Variants in NLRC5 observed in about 807,000 individuals in gnomAD.
NLRC5 encodes protein NLRC5.
NLRC5 carries 114 observed loss-of-function variants against 206.9 expected under a neutral mutation model. The observed-to-expected ratio is 0.55, with a 90% confidence interval of 0.47 to 0.64. The LOEUF (loss-of-function observed/expected upper bound fraction) is 0.64. Among genes scored for constraint, NLRC5 ranks in the 30% least tolerant of loss-of-function variants. The pLI, the probability that NLRC5 is intolerant of heterozygous loss-of-function variation, is 0.00. For synonymous variants in NLRC5, 952 were observed against 962.8 expected (o/e 0.99, Z 0.21); for missense variants, 2,008 against 2,305.5 (o/e 0.87, Z 2.64).
intron 5 of NLRC5, 139 bp from the exon 6 acceptor site, chr16:57,025,229 C>A: frequency 7.1e-7 from 1 of 1,407,496 alleles, no homozygotes; most frequent in Non-Finnish European, 9.3e-7. Context: ...CCCTATGGTG[C>A]TCTTGACACC....
chr16:57,026,478 T>TC lies in NLRC5; in HGVS notation c.1536dup (p.Thr513HisfsTer42). ...GGGCACCAGCAGACAGGCTATGCTTTCACCCACCTCAGCCTGCAGGAGTTT... is the reference window on the plus strand; with the variant it reads ...GGGCACCAGCAGACAGGCTATGCTTTCCACCCACCTCAGCCTGCAGGAGTTT... On this transcript the variant is annotated frameshift_variant, in exon 6 of 49. Coordinates refer to ENST00000688547, the MANE Select transcript of NLRC5 (RefSeq NM_001384950.1). LOFTEE classifies it high-confidence loss of function. 6.2e-7 allele frequency: 1 copy of TC among 1,614,124 alleles called. No homozygotes were observed. The highest frequency in any genetic ancestry group is 1.1e-5 in the South Asian group (1 of 91,082).
At chr16:56,995,510 C>A (rs2057492413) in intron 1 of NLRC5, among the ~76,000 whole-genome samples, 1 of 152,222 alleles carries the variant, frequency 6.6e-6, no homozygotes, top group African/African-American at 2.4e-5. Context: ...ACCGTGTTGT[C>A]AAATTTCTCT....
At chr16:57,040,587 G>A in intron 16 of NLRC5, 63 bp from the exon 17 acceptor site, 1 of 1,518,070 alleles carries the variant, frequency 6.6e-7, no homozygotes, top group Non-Finnish European at 9.1e-7. Context: ...CCAGGCTGAG[G>A]ATGGATTCTG....
chr16:57,079,418 C>A, intron 45 of NLRC5, 126 bp downstream of exon 45: 2 of 1,379,006 alleles, frequency 1.5e-6, no homozygotes, highest in East Asian at 2.3e-5. Flanking sequence ...GGGGGCCTGG[C>A]TCAAGAAAGG....
chr16:57,035,299 C>A (rs1458417106), intron 13 of NLRC5, among the ~76,000 whole-genome samples: 1 of 152,182 alleles, frequency 6.6e-6, no homozygotes, highest in Non-Finnish European at 1.5e-5. Context: ...GCCTTCCTTG[C>A]TGGCTTCCCT....
chr16:57,070,092 T>G (rs997117280), intron 37 of NLRC5, among the ~76,000 whole-genome samples, 173 bp downstream of exon 37: 4 of 152,168 alleles, frequency 2.6e-5, no homozygotes, highest in African/African-American at 7.2e-5. Flanking sequence ...ACCACAGTTT[T>G]GGTCTGAATT....
intron 39 of NLRC5, 148 bp from the exon 40 acceptor site, chr16:57,076,671 C>A (rs148791588): frequency 1.0e-5 from 7 of 694,662 alleles, no homozygotes; most frequent in Non-Finnish European, 1.5e-5. Context: ...CTCACCACTC[C>A]CCACCTGCCA....
At chr16:57,024,381 C>T (rs1304999919) in intron 5 of NLRC5, among the ~76,000 whole-genome samples, 2 of 152,204 alleles carry the variant, frequency 1.3e-5, no homozygotes, top group African/African-American at 4.8e-5. Context: ...ACGAGTTGTC[C>T]CACTAACTAG....
At chr16:57,002,142 C>CTTTTCTTTCTTTCTTTCTTT (rs1491341855) in intron 1 of NLRC5, among the ~76,000 whole-genome samples, 8 of 152,086 alleles carry the variant, frequency 5.3e-5, no homozygotes, top group Non-Finnish European at 1.2e-4. Flanking sequence ...TTTTCTTTTA[C>CTTTTCTTTCTTTCTTTCTTT]TCTTTTATTC....
intron 48 of NLRC5, 42 bp downstream of exon 48, chr16:57,081,652 T>C (rs1416850950): frequency 6.6e-7 from 1 of 1,525,640 alleles, no homozygotes; most frequent in Non-Finnish European, 9.1e-7. Context: ...GGTGGGAGGC[T>C]ACACCAACCC....
Position 57,020,722 on chromosome 16 carries a change from G to T in NLRC5, c.10G>T (p.Val4Phe). The T allele has an allele frequency of 1.2e-6, 2 of 1,602,068 alleles. No individual in the cohort carries two copies. Among genetic ancestry groups the T allele is most frequent in the African/African-American group, 1.4e-5 (1 of 71,926 alleles). The change falls in exon 3 of 49, where the codon GTT becomes TTT. Residue 4 changes from valine (V) to phenylalanine (F), a missense_variant. Coordinates refer to ENST00000688547, the MANE Select transcript of NLRC5 (RefSeq NM_001384950.1). ...CCAGGGCTGGCTCCTCATGGACCCCGTTGGCCTCCAGCTCGGCAACAAGAA... is the reference window on the plus strand; with the variant it reads ...CCAGGGCTGGCTCCTCATGGACCCCTTTGGCCTCCAGCTCGGCAACAAGAA... Reference protein sequence around the residue: MDPVGLQLGNKNLW... With the variant: MDPFGLQLGNKNLW...
rs762725403 is a variant in NLRC5, at chr16:57,025,528, T to A, written c.585T>A (p.Ile195=). 1.9e-6 allele frequency: 3 copies of A among 1,613,258 alleles called. No individual in the cohort carries two copies. Among genetic ancestry groups the A allele is most frequent in the Non-Finnish European group, 2.5e-6 (3 of 1,179,546 alleles). Residue 195 remains isoleucine (I), a synonymous_variant, in exon 6 of 49, where the codon ATT becomes ATA. Transcript: ENST00000688547. ...CCTTAGACACTCCGGAGGGGGCCAT[T>A]ATGGGGGACGTCAAGGTGGAAGATG... is the stretch of plus-strand genomic sequence containing the variant. ...TASLDTPEGA[I]MGDVKVEDGA...
chr16:57,058,947 A>T, intron 28 of NLRC5, 25 bp from the exon 29 acceptor site: 1 of 1,606,562 alleles, frequency 6.2e-7, no homozygotes, highest in Non-Finnish European at 8.5e-7. Flanking sequence ...CCTCACTCCC[A>T]TTCTCATCTC....
intron 40 of NLRC5, 130 bp from the exon 41 acceptor site, chr16:57,077,166 A>G: frequency 1.2e-6 from 1 of 804,412 alleles, no homozygotes; most frequent in Non-Finnish European, 2.1e-6. Flanking sequence ...GTCACTCAAC[A>G]TGGGGTGATG....
In NLRC5 at chr16:57,077,497, G is replaced by A. The variant is rs2068544215; in HGVS notation, c.4919+118G>A. The A allele has an allele frequency of 4.7e-6, 5 of 1,056,250 alleles. No homozygotes were observed. In the South Asian group the frequency reaches 7.4e-5, roughly 16 times the overall value. The allele number at this position is 1,056,250 out of a possible 1,614,324, so 65.4% of individuals were successfully genotyped here. On this transcript the variant is annotated intron_variant, in intron 41 of 48. Coordinates refer to ENST00000688547, the MANE Select transcript of NLRC5 (RefSeq NM_001384950.1). ...TCCCCTGCGCCAACCTCAGTGTCCA[G>A]GCAGTGGGGCTCGGTGACCTCCTGG... is the stretch of plus-strand genomic sequence containing the variant.
At chr16:57,037,081 G>T (rs1339129368) in intron 14 of NLRC5, 114 bp from the exon 15 acceptor site, 1 of 861,258 alleles carries the variant, frequency 1.2e-6, no homozygotes, top group East Asian at 2.4e-5. Context: ...AAGGGACCTA[G>T]GACATCCAGG....
At chr16:57,038,005 G>A (rs2062816637) in intron 15 of NLRC5, among the ~76,000 whole-genome samples, 1 of 152,122 alleles carries the variant, frequency 6.6e-6, no homozygotes, top group African/African-American at 2.4e-5. Flanking sequence ...TGCATTCCAA[G>A]CGATGCCCTG....
intron 37 of NLRC5, among the ~76,000 whole-genome samples, chr16:57,070,257 G>C (rs537491909): frequency 2.8e-4 from 43 of 151,634 alleles, no homozygotes; most frequent in Non-Finnish European, 4.7e-4. Context: ...GGGTGTGTGT[G>C]TGTGTGTGTG....
chr16:57,061,384 G>C, intron 30 of NLRC5, 64 bp from the exon 31 acceptor site: 11 of 1,516,030 alleles, frequency 7.3e-6, no homozygotes, highest in Admixed American at 1.7e-5. Flanking sequence ...GGGAGGCTGA[G>C]ATGAAGCTGA....
Sources: allele counts gnomAD v4.1 joint callset (sites outside exome capture counted in the v4.1 genomes callset), GRCh38; gene constraint gnomAD v4.1.1; transcripts MANE v1.5; gene names NCBI Gene and HGNC (gene_info 2026-07-23, HGNC 2026-07-21).